SUGCT: variants seen among roughly 807,000 people sequenced by gnomAD.
SUGCT encodes the protein succinyl-CoA:glutarate CoA-transferase.
A neutral mutation model predicts 55.0 loss-of-function variants in SUGCT; 41 were observed. The observed-to-expected ratio is 0.74, with a 90% CI of 0.58 to 0.97. The LOEUF is 0.97. Ranked by LOEUF, SUGCT falls within the 50% of genes least tolerant of loss-of-function variation. SUGCT has a pLI of 0.00. For missense variants in SUGCT, 568 were observed against 547.8 expected (o/e 1.04, Z -0.37); for synonymous variants, 187 against 200.4 (o/e 0.93, Z 0.56).
chr7:40,452,484 C>T (rs1394714180), intron 10 of SUGCT, among the ~76,000 whole-genome samples: 1 of 152,076 alleles, frequency 6.6e-6, no homozygotes. Context: ...GTAGAGGAAA[C>T]TTCAGTTTTA....
rs534299696 is a variant in SUGCT, at chr7:40,574,763, T to G, written c.1089+78377T>G. Among the ~76,000 whole-genome samples, 90 of 152,326 alleles carry G rather than the reference T, an allele frequency of 5.9e-4. 1 individual carries two copies. The highest frequency in any genetic ancestry group is 1.3e-3 in the Admixed American group (20 of 15,302). On this transcript the variant is annotated intron_variant, in intron 12 of 13. Coordinates refer to ENST00000335693, the MANE Select transcript of SUGCT (RefSeq NM_001193313.2). ...GTTAGTTTAATCTTCCAAAAGATTA[T>G]GAATCAGCTTCCTACTTTTTAACCG...
intron 9 of SUGCT, among the ~76,000 whole-genome samples, chr7:40,437,913 A>T (rs781062925): frequency 5.3e-5 from 8 of 152,050 alleles, no homozygotes; most frequent in South Asian, 2.1e-4. Flanking sequence ...CATACTACAA[A>T]TTTTTTGTAT....
chr7:40,944,366 C>T, the SUGCT span, among the ~76,000 whole-genome samples: 1 of 151,176 alleles, frequency 6.6e-6, no homozygotes, highest in Non-Finnish European at 1.5e-5. Context: ...ATGCCTATGT[C>T]CTGAATGGTA....
intron 6 of SUGCT, among the ~76,000 whole-genome samples, chr7:40,232,609 T>C (rs76023754): frequency 0.066 from 10,006 of 152,194 alleles, 665 homozygotes; most frequent in African/African-American, 0.17. Context: ...CCAGATCATA[T>C]GGCACTCAGG....
At chr7:40,211,257 A>T (rs1300556979) in intron 6 of SUGCT, among the ~76,000 whole-genome samples, 1 of 152,196 alleles carries the variant, frequency 6.6e-6, no homozygotes, top group African/African-American at 2.4e-5. Context: ...TCTGTTGCCC[A>T]GGCTGGAGGG....
At chr7:40,547,126 C>G (rs750566037) in intron 12 of SUGCT, among the ~76,000 whole-genome samples, 8 of 152,098 alleles carry the variant, frequency 5.3e-5, no homozygotes, top group Admixed American at 1.3e-4. Flanking sequence ...CTGCAGTTGA[C>G]AAGCAGGAAA....
intron 13 of SUGCT, among the ~76,000 whole-genome samples, chr7:40,839,297 T>C (rs2108377): frequency 0.35 from 53,581 of 151,886 alleles, 10,275 homozygotes; most frequent in East Asian, 0.82. Context: ...GGCTGGAGTG[T>C]ACTGGCACAA....
intron 1 of SUGCT, among the ~76,000 whole-genome samples, chr7:40,157,336 C>G (rs1410685489): frequency 6.6e-6 from 1 of 152,148 alleles, no homozygotes; most frequent in Non-Finnish European, 1.5e-5. Flanking sequence ...GGCAGTTATC[C>G]TGTACAAACC....
intron 12 of SUGCT, among the ~76,000 whole-genome samples, chr7:40,587,925 C>CA (rs1165164032): frequency 7.0e-6 from 1 of 142,074 alleles, no homozygotes; most frequent in East Asian, 2.1e-4. Flanking sequence ...TTTTTCCAGA[C>CA]AGAGTCTCAC....
intron 12 of SUGCT, among the ~76,000 whole-genome samples, chr7:40,628,129 ATT>A (rs1317114385): frequency 6.6e-6 from 1 of 152,224 alleles, no homozygotes; most frequent in Non-Finnish European, 1.5e-5. Context: ...GCAATAAGAT[ATT>A]TTGAGAGAGA....
intron 13 of SUGCT, among the ~76,000 whole-genome samples, chr7:40,809,819 A>C (rs553335921): frequency 1.3e-5 from 2 of 152,060 alleles, no homozygotes; most frequent in African/African-American, 4.8e-5. Context: ...TATTGTTGCC[A>C]TATGTTCCTG....
At chr7:40,278,637 C>T (rs988668475) in intron 8 of SUGCT, among the ~76,000 whole-genome samples, 1 of 151,972 alleles carries the variant, frequency 6.6e-6, no homozygotes, top group African/African-American at 2.4e-5. Context: ...TTGTCTCTGT[C>T]CTCCCTTTCT....
chr7:40,480,086 T>C (rs1449957983), intron 11 of SUGCT, among the ~76,000 whole-genome samples: 1 of 152,088 alleles, frequency 6.6e-6, no homozygotes. Context: ...ATCTAAAAAA[T>C]TGTTTCTCAG....
Position 40,840,744 on chromosome 7 carries a change from T to C in SUGCT, c.1154-19572T>C, listed in dbSNP as rs73312256. ...CATCAATAAATTGAAAATAGGAGAATAGAATCAATGAAACAAAAGCTGGTT... is the reference window on the plus strand; with the variant it reads ...CATCAATAAATTGAAAATAGGAGAACAGAATCAATGAAACAAAAGCTGGTT... On this transcript the variant is annotated intron_variant, in intron 13 of 13. Transcript: ENST00000335693. Among the ~76,000 whole-genome samples the C allele has an allele frequency of 6.9e-3, 1,055 of 152,130 alleles. 12 individuals are homozygous for C. The highest frequency in any genetic ancestry group is 0.024 in the African/African-American group (990 of 41,526).
intron 12 of SUGCT, among the ~76,000 whole-genome samples, chr7:40,511,779 G>T (rs1310052947): frequency 6.6e-6 from 1 of 152,046 alleles, no homozygotes; most frequent in Non-Finnish European, 1.5e-5. Flanking sequence ...ATATGCCATG[G>T]TTTTCATTTT....
chr7:40,152,885 T>G (rs1788652284), intron 1 of SUGCT: 1 of 154,840 alleles, frequency 6.5e-6, no homozygotes. Flanking sequence ...ATTTGTGTTT[T>G]TAGTAGAGAC....
intron 13 of SUGCT, among the ~76,000 whole-genome samples, chr7:40,772,543 T>TATCTATC (rs1554418075): frequency 4.7e-4 from 70 of 150,328 alleles, no homozygotes; most frequent in Non-Finnish European, 8.0e-4. Context: ...TCTATCTATC[T>TATCTATC]ATCTATCTAT....
chr7:40,808,751 T>G (rs190207028), intron 13 of SUGCT, among the ~76,000 whole-genome samples: 41 of 152,326 alleles, frequency 2.7e-4, no homozygotes, highest in Admixed American at 2.5e-3. Flanking sequence ...TTCCCATGAA[T>G]GTAATTGTTG....
At chr7:40,236,306 C>T (rs1789005960) in intron 6 of SUGCT, among the ~76,000 whole-genome samples, 1 of 151,814 alleles carries the variant, frequency 6.6e-6, no homozygotes, top group African/African-American at 2.4e-5. Context: ...GATCCTCCCG[C>T]CTCCCAAAGT....
Sources: allele counts gnomAD v4.1 joint callset (sites outside exome capture counted in the v4.1 genomes callset), GRCh38; gene constraint gnomAD v4.1.1; transcripts MANE v1.5; gene names NCBI Gene and HGNC (gene_info 2026-07-23, HGNC 2026-07-21).